PDE4DIP: variants seen among roughly 807,000 people sequenced by gnomAD.
PDE4DIP encodes phosphodiesterase 4D interacting protein.
Under a neutral mutation model 221.4 loss-of-function variants are expected in PDE4DIP, and 59 were observed. That is an observed-to-expected ratio of 0.27 (90% CI 0.22 to 0.33). The LOEUF is 0.33. Ranked by LOEUF, PDE4DIP falls within the 10% of genes least tolerant of loss-of-function variation. PDE4DIP has a pLI of 1.00. For missense variants in PDE4DIP, 1,036 were observed against 2,154.2 expected, an observed-to-expected ratio of 0.48 and a Z score of 10.28; for synonymous variants, 404 against 815.9, an observed-to-expected ratio of 0.50 and a Z score of 8.60.
At chr1:148,969,996 A>G (rs2058909415) in intron 14 of PDE4DIP, among the ~76,000 whole-genome samples, 2 of 152,166 alleles carry the variant, frequency 1.3e-5, no homozygotes, top group African/African-American at 4.8e-5. Context: ...GTGAGCCACC[A>G]TGCCCTGCCC....
chr1:149,009,911 C>G, intron 30 of PDE4DIP, 120 bp downstream of exon 33: 1 of 795,168 alleles, frequency 1.3e-6, no homozygotes, highest in South Asian at 1.6e-5. Context: ...GGGCCAAGTG[C>G]CATGCACAGG....
intron 5 of PDE4DIP, among the ~76,000 whole-genome samples, chr1:148,951,499 T>C (rs587703071): frequency 1.2e-3 from 190 of 152,356 alleles, no homozygotes; most frequent in Non-Finnish European, 2.3e-3. Context: ...CAGTCCTTTC[T>C]GGCGCGAGCT....
At chr1:148,956,368 C>T (rs2055336731) in intron 5 of PDE4DIP, among the ~76,000 whole-genome samples, 1 of 151,684 alleles carries the variant, frequency 6.6e-6, no homozygotes, top group Non-Finnish European at 1.5e-5. Context: ...TGCTTTTCCT[C>T]TTTTTTTTCT....
At chr1:148,962,889 A>C (rs2057267379) in intron 9 of PDE4DIP, among the ~76,000 whole-genome samples, 1 of 151,652 alleles carries the variant, frequency 6.6e-6, no homozygotes, top group African/African-American at 2.4e-5. Context: ...GAGAGACCAC[A>C]TTCACGTAAC....
intron 1 of PDE4DIP, among the ~76,000 whole-genome samples, chr1:148,923,560 G>A (rs1158645666): frequency 2.1e-5 from 3 of 143,218 alleles, no homozygotes; most frequent in East Asian, 2.0e-4. Flanking sequence ...TGCAAGCTCC[G>A]CCTCCCGGGT....
chr1:148,952,002 C>G (rs1339613390), intron 5 of PDE4DIP: 1 of 939,664 alleles, frequency 1.1e-6, no homozygotes, highest in Admixed American at 6.0e-5. Flanking sequence ...CGGCGCGCAG[C>G]GGTACCTAGC....
intron 22 of PDE4DIP, among the ~76,000 whole-genome samples, chr1:148,996,732 C>T (rs587654624): frequency 6.6e-6 from 1 of 152,206 alleles, no homozygotes; most frequent in African/African-American, 2.4e-5. Flanking sequence ...TTCGCACCAA[C>T]CCCAGCAGCT....
chr1:149,016,248 C>A lies in PDE4DIP; in HGVS notation c.5267-51C>A, dbSNP rs782384948. ...GCAATCACACACTTCCTTGCAAATT[C>A]TTCCCTTCTGACACCCCATTTGCTT... On this transcript the variant is annotated intron_variant, in intron 32 of 43. Coordinates refer to ENST00000369354, the Ensembl canonical transcript of PDE4DIP. 12 of 1,581,258 alleles carry A rather than the reference C, an allele frequency of 7.6e-6. No individual in the cohort carries two copies. In the South Asian group the frequency reaches 1.2e-4, roughly 16 times the overall value.
intron 21 of PDE4DIP, chr1:148,983,052 G>C (rs1553545130): frequency 1.3e-5 from 2 of 151,980 alleles, no homozygotes; most frequent in Non-Finnish European, 2.9e-5. Flanking sequence ...GGCTTTTGAG[G>C]AAAAAGGAGT....
chr1:148,838,345 G>A (rs1440315250), intron 1 of PDE4DIP, among the ~76,000 whole-genome samples: 1 of 17,238 alleles, frequency 5.8e-5, no homozygotes, highest in Non-Finnish European at 1.7e-4. Flanking sequence ...GAGGTACATT[G>A]CCCAAGATTG....
At chr1:148,824,295 T>C (rs1670103923) in intron 1 of PDE4DIP, among the ~76,000 whole-genome samples, 1 of 150,044 alleles carries the variant, frequency 6.7e-6, no homozygotes, top group African/African-American at 2.5e-5. Context: ...TGGCAGGCTT[T>C]AGTTCCTGTC....
At chr1:148,961,486 C>T (rs1244863932) in intron 6 of PDE4DIP, among the ~76,000 whole-genome samples, 2 of 151,992 alleles carry the variant, frequency 1.3e-5, no homozygotes, top group Non-Finnish European at 2.9e-5. Flanking sequence ...TTATAGTGCC[C>T]TCTCCTATGC....
chr1:148,944,866 G>A (rs1472050379), intron 5 of PDE4DIP, among the ~76,000 whole-genome samples: 9 of 152,094 alleles, frequency 5.9e-5, no homozygotes, highest in South Asian at 2.1e-4. Flanking sequence ...GCAAGTCTCC[G>A]TCTCGGAAAA....
chr1:148,997,824 G>A (rs1379770338), intron 22 of PDE4DIP, among the ~76,000 whole-genome samples: 15 of 152,246 alleles, frequency 9.9e-5, no homozygotes, highest in African/African-American at 1.7e-4. Flanking sequence ...AAGAATCACC[G>A]TATTCACACC....
intron 3 of PDE4DIP, among the ~76,000 whole-genome samples, chr1:148,882,666 TGA>T (rs1400770413): frequency 6.6e-6 from 1 of 151,650 alleles, no homozygotes; most frequent in Non-Finnish European, 1.5e-5. Context: ...CCCTGAAAGG[TGA>T]TTCTTGAGTT....
rs1466879422 is a variant in PDE4DIP, at chr1:148,979,979, A to G, written c.2687+130A>G. ...ACTGAAGAGGGGAGAAAAAAGAGGG[A>G]CAATTACCGGGGCTACCCACTTTGT... On this transcript the variant is annotated intron_variant, in intron 20 of 43. Transcript: ENST00000369354. The G allele has an allele frequency of 1.1e-5, 13 of 1,237,152 alleles. No individual in the cohort carries two copies. In the Admixed American group the frequency reaches 2.3e-4, roughly 22 times the overall value. 76.6% of individuals were successfully genotyped at this position (1,237,152 alleles called of 1,614,324 possible).
intron 5 of PDE4DIP, among the ~76,000 whole-genome samples, chr1:148,947,038 C>G (rs1265319863): frequency 6.6e-6 from 1 of 152,296 alleles, no homozygotes; most frequent in Non-Finnish European, 1.5e-5. Context: ...GTCAATTGTT[C>G]TAACTGTAGC....
chr1:148,967,079 CT>C (rs1279412119), intron 12 of PDE4DIP, 103 bp downstream of exon 15: 4 of 527,208 alleles, frequency 7.6e-6, no homozygotes, highest in Non-Finnish European at 1.3e-5. Flanking sequence ...AGGGATTTTG[CT>C]TTATAAGGGG....
intron 4 of PDE4DIP, among the ~76,000 whole-genome samples, chr1:148,933,170 T>C (rs1226148886): frequency 6.6e-6 from 1 of 152,078 alleles, no homozygotes; most frequent in Non-Finnish European, 1.5e-5. Flanking sequence ...AAATCTGAGC[T>C]GAGCTTTGAA....
Sources: gnomAD v4.1 joint callset for allele counts (sites outside exome capture counted in the v4.1 genomes callset) on GRCh38, gnomAD v4.1.1 for gene constraint, MANE v1.5 for transcripts, NCBI Gene and HGNC (gene_info 2026-07-23, HGNC 2026-07-21) for gene names.